NRXN2: variants seen among roughly 807,000 people sequenced by gnomAD.
NRXN2 encodes neurexin 2.
NRXN2 carries 29 observed loss-of-function variants against 128.8 expected under a neutral mutation model. That is an observed-to-expected ratio of 0.23 (90% CI 0.17 to 0.31). The LOEUF (loss-of-function observed/expected upper bound fraction) is 0.31, where lower values mean the gene tolerates loss of function less well. Among genes scored for constraint, NRXN2 ranks in the 10% least tolerant of loss-of-function variants. The pLI, the probability that NRXN2 is intolerant of heterozygous loss-of-function variation, is 1.00. For synonymous variants in NRXN2, 1,098 were observed against 1,075.2 expected (o/e 1.02, Z -0.41); for missense variants, 1,881 against 2,452.6 (o/e 0.77, Z 4.92).
At chr11:64,665,009 G>A (rs1320482131) in intron 9 of NRXN2, among the ~76,000 whole-genome samples, 3 of 145,032 alleles carry the variant, frequency 2.1e-5, no homozygotes, top group Admixed American at 7.0e-5. Flanking sequence ...AAGGCCGGGC[G>A]CGGTGGCTCA....
At chr11:64,708,837 A>C (rs575560883) in intron 2 of NRXN2, among the ~76,000 whole-genome samples, 1 of 152,326 alleles carries the variant, frequency 6.6e-6, no homozygotes, top group South Asian at 2.1e-4. Flanking sequence ...ATTTATACTC[A>C]CACTAAACAG....
chr11:64,701,314 G>A (rs144946455), intron 2 of NRXN2, among the ~76,000 whole-genome samples: 102 of 152,152 alleles, frequency 6.7e-4, no homozygotes, highest in African/African-American at 2.3e-3. Flanking sequence ...CTTTTCCTGC[G>A]ACAATCCAGG....
intron 17 of NRXN2, among the ~76,000 whole-genome samples, chr11:64,645,831 G>GCTCCTTCCACCTTTGCCA (rs1183995623): frequency 2.0e-5 from 3 of 152,110 alleles, no homozygotes; most frequent in Non-Finnish European, 4.4e-5. Context: ...GACAGGCCCT[G>GCTCCTTCCACCTTTGCCA]CTCCTTCCAC....
chr11:64,636,073 C>T (rs1446840713), intron 17 of NRXN2, among the ~76,000 whole-genome samples: 1 of 151,678 alleles, frequency 6.6e-6, no homozygotes, highest in Non-Finnish European at 1.5e-5. Flanking sequence ...GTCCTGGAGC[C>T]CTGCCCAGAA....
At chr11:64,636,699 G>C (rs2044769949) in intron 17 of NRXN2, among the ~76,000 whole-genome samples, 1 of 152,158 alleles carries the variant, frequency 6.6e-6, no homozygotes, top group South Asian at 2.1e-4. Context: ...ATGTCAGTCT[G>C]GGGGTGGGAG....
intron 3 of NRXN2, among the ~76,000 whole-genome samples, chr11:64,694,370 T>C (rs1301804902): frequency 6.6e-6 from 1 of 152,200 alleles, no homozygotes; most frequent in Non-Finnish European, 1.5e-5. Context: ...GTTACAAGTA[T>C]TTCTGAGACG....
intron 22 of NRXN2, 117 bp downstream of exon 22, chr11:64,620,177 G>A (rs2135316668): frequency 1.3e-6 from 1 of 777,952 alleles, no homozygotes; most frequent in Non-Finnish European, 2.2e-6. Flanking sequence ...AACTATCAGG[G>A]AAAGCTAAGG....
At chr11:64,709,677 A>C (rs1162403833) in intron 2 of NRXN2, among the ~76,000 whole-genome samples, 1 of 152,088 alleles carries the variant, frequency 6.6e-6, no homozygotes, top group East Asian at 1.9e-4. Flanking sequence ...ACTTATTAAT[A>C]TCTCTCCATT....
At chr11:64,656,268 G>A (rs772284059) in intron 11 of NRXN2, 1 of 152,198 alleles carries the variant, frequency 6.6e-6, no homozygotes, top group Non-Finnish European at 1.5e-5. Context: ...GAAAGGCAAT[G>A]TACCCTCCCA....
At position 64,713,213 on chromosome 11, in the gene NRXN2, C is replaced by A. The variant is rs781477164; in HGVS notation, c.487G>T (p.Ala163Ser). 19 of 1,468,292 alleles carry A rather than the reference C, an allele frequency of 1.3e-5. No homozygotes were observed. In the Admixed American group the frequency reaches 2.1e-4, roughly 16 times the overall value. 91.0% of individuals were successfully genotyped at this position (1,468,292 alleles called of 1,614,324 possible). A position where few individuals can be genotyped will look rare whatever the true frequency, so the allele number is the denominator to read the frequency against. ...TACTTGACGGTGCTCAGCGTAAGCG[C>A]CGAGAGGCGCACGTCGGGCGGGATG... Reference protein sequence around the residue: ...GGIPPDVRLSALTLSTVKYEP... With the variant: ...GGIPPDVRLSSLTLSTVKYEP... The change falls in exon 2 of 23, where the codon GCG becomes TCG. Residue 163 changes from alanine to serine, a missense_variant. Coordinates refer to ENST00000265459, the MANE Select transcript of NRXN2 (RefSeq NM_015080.4).
chr11:64,699,056 C>T (rs915316029), intron 2 of NRXN2, among the ~76,000 whole-genome samples: 1 of 152,258 alleles, frequency 6.6e-6, no homozygotes, highest in Admixed American at 6.5e-5. Context: ...CCTCCTACCT[C>T]CAACCCCATT....
intron 11 of NRXN2, among the ~76,000 whole-genome samples, chr11:64,657,950 T>C (rs1348400800): frequency 6.6e-6 from 1 of 152,176 alleles, no homozygotes; most frequent in Non-Finnish European, 1.5e-5. Flanking sequence ...ATTCTTAACA[T>C]GATGTGTCTT....
intron 11 of NRXN2, among the ~76,000 whole-genome samples, chr11:64,656,598 C>G (rs580403): frequency 6.6e-6 from 1 of 152,050 alleles, no homozygotes; most frequent in African/African-American, 2.4e-5. Flanking sequence ...TTAATTACAC[C>G]ACACCCTTCA....
chr11:64,625,175 AC>A (rs1252199037), intron 20 of NRXN2, among the ~76,000 whole-genome samples: 1 of 150,788 alleles, frequency 6.6e-6, no homozygotes, highest in Non-Finnish European at 1.5e-5. Flanking sequence ...TTCCTCCCCC[AC>A]CCCCCAACAG....
intron 22 of NRXN2, among the ~76,000 whole-genome samples, chr11:64,614,246 C>T (rs914790123): frequency 2.0e-5 from 3 of 152,222 alleles, no homozygotes; most frequent in Non-Finnish European, 2.9e-5. Context: ...GGTTGCCCCC[C>T]GCCCCCGCAA....
chr11:64,713,786 G>A lies in NRXN2; in HGVS notation c.-87C>T. Reference sequence around the variant, plus strand: ...CGCATGGGGCGGGAGGGGGCCGGGCGCTCCCCGCGCTGAGCGGGGCTCCCT... The same window carrying A: ...CGCATGGGGCGGGAGGGGGCCGGGCACTCCCCGCGCTGAGCGGGGCTCCCT... On this transcript the variant is annotated 5_prime_UTR_variant, in exon 2 of 23. Transcript: ENST00000265459. 2 of 764,484 alleles carry A rather than the reference G, an allele frequency of 2.6e-6. No individual in the cohort carries two copies. The highest frequency in any genetic ancestry group is 3.2e-6 in the Non-Finnish European group (2 of 623,742). 47.4% of individuals were successfully genotyped at this position (764,484 alleles called of 1,614,324 possible). A position where few individuals can be genotyped will look rare whatever the true frequency, so the allele number is the denominator to read the frequency against.
At chr11:64,620,208 C>T (rs2042109382) in intron 22 of NRXN2, 86 bp downstream of exon 22, 1 of 1,092,350 alleles carries the variant, frequency 9.2e-7, no homozygotes, top group Non-Finnish European at 1.4e-6. Flanking sequence ...GGCCCTGGGG[C>T]TTGGGCCAGG....
Position 64,660,344 on chromosome 11 carries a change from T to C in NRXN2, c.2377A>G (p.Thr793Ala), listed in dbSNP as rs1199018150. Residue 793 changes from threonine (T) to alanine (A), a missense_variant, in exon 11 of 23, where the codon ACT becomes GCT. Around this residue, in one of 7 missense-constraint regions of NRXN2, gnomAD observed 997 missense variants for 1,240.8 expected, o/e 0.80. Coordinates refer to ENST00000265459, the MANE Select transcript of NRXN2 (RefSeq NM_015080.4). This position sits in a 1 kb window ranked among gnomAD's most constrained non-coding sequence, Gnocchi z 5.2. ...GCAGGGTGGTTACCGAGGTTGACAGTGAGCTTCATCTGCCCCCCATCCAGC... is the reference window on the plus strand; with the variant it reads ...GCAGGGTGGTTACCGAGGTTGACAGCGAGCTTCATCTGCCCCCCATCCAGC... ...LELDGGQMKL[T>A]VNLDCLRVGC... 6.2e-7 allele frequency: 1 copy of C among 1,613,600 alleles called. No individual in the cohort carries two copies. The highest frequency in any genetic ancestry group is 1.3e-5 in the African/African-American group (1 of 75,004).
At chr11:64,698,433 G>A (rs1487589214) in intron 2 of NRXN2, among the ~76,000 whole-genome samples, 1 of 152,196 alleles carries the variant, frequency 6.6e-6, no homozygotes, top group East Asian at 1.9e-4. Flanking sequence ...ACACAGCACT[G>A]TGTGACTTTC....
Sources: gnomAD v4.1 joint callset for allele counts (sites outside exome capture counted in the v4.1 genomes callset) on GRCh38, gnomAD v4.1.1 for gene constraint, gnomAD v4.1.1 regional missense constraint, Gnocchi (gnomAD v3.1) non-coding constraint, MANE v1.5 for transcripts, NCBI Gene and HGNC (gene_info 2026-07-23, HGNC 2026-07-21) for gene names.